The following KIAA1958 variants were observed in gnomAD, a reference collection of about 807,000 sequenced individuals.
The protein encoded by KIAA1958 is KIAA1958, also known as uncharacterized protein KIAA1958.
In KIAA1958, 14 loss-of-function variants were observed where a neutral mutation model predicts 47.2. The observed-to-expected ratio is 0.30, with a 90% CI of 0.20 to 0.46. The LOEUF (loss-of-function observed/expected upper bound fraction) is 0.46. Among genes scored for constraint, KIAA1958 ranks in the 20% least tolerant of loss-of-function variants. The pLI is 1.00. For missense variants in KIAA1958, 803 were observed against 909.2 expected (o/e 0.88, Z 1.50); for synonymous variants, 354 against 353.3 (o/e 1.00, Z -0.02).
At chr9:112,563,176 C>A (rs1169608561) in intron 1 of KIAA1958, among the ~76,000 whole-genome samples, 1 of 151,500 alleles carries the variant, frequency 6.6e-6, no homozygotes, top group Admixed American at 6.6e-5. Flanking sequence ...GTGATCCTCC[C>A]ACCTTGGCCT....
intron 1 of KIAA1958, among the ~76,000 whole-genome samples, chr9:112,532,606 C>T (rs1834769660): frequency 6.6e-6 from 1 of 152,140 alleles, no homozygotes; most frequent in Non-Finnish European, 1.5e-5. Context: ...GTGGGATTAC[C>T]ACAGCACTGG....
chr9:112,496,313 ACAGAG>A (rs1441001512), intron 1 of KIAA1958, among the ~76,000 whole-genome samples: 2 of 152,212 alleles, frequency 1.3e-5, no homozygotes, highest in Admixed American at 1.3e-4. Flanking sequence ...AAGAAGCCAG[ACAGAG>A]CAGAGTTTAT....
chr9:112,525,961 T>TTCC (rs1834635914), intron 1 of KIAA1958, among the ~76,000 whole-genome samples: 1 of 22,086 alleles, frequency 4.5e-5, no homozygotes. Context: ...CTTCTTCTTC[T>TTCC]TCTTCTTCTT....
At chr9:112,579,371 G>T (rs1048496171) in intron 2 of KIAA1958, among the ~76,000 whole-genome samples, 2 of 151,810 alleles carry the variant, frequency 1.3e-5, no homozygotes, top group African/African-American at 2.4e-5. Context: ...ATTCTTTTAT[G>T]GTTTTCTTTC....
intron 1 of KIAA1958, among the ~76,000 whole-genome samples, chr9:112,509,921 C>T (rs980430253): frequency 4.6e-5 from 7 of 152,176 alleles, no homozygotes; most frequent in African/African-American, 1.4e-4. Context: ...CATGAAGACA[C>T]TGGGGAGTCA....
chr9:112,526,801 G>A (rs1360449511), intron 1 of KIAA1958, among the ~76,000 whole-genome samples: 1 of 152,170 alleles, frequency 6.6e-6, no homozygotes, highest in African/African-American at 2.4e-5. Flanking sequence ...TGTTACACTA[G>A]CAATTAAACT....
At chr9:112,620,808 A>G (rs1270755262) in intron 2 of KIAA1958, among the ~76,000 whole-genome samples, 1 of 152,194 alleles carries the variant, frequency 6.6e-6, no homozygotes, top group Non-Finnish European at 1.5e-5. Flanking sequence ...AAGAAAAAAA[A>G]AATAGGAAAA....
chr9:112,614,128 C>A (rs963131121), intron 2 of KIAA1958, among the ~76,000 whole-genome samples: 1 of 152,092 alleles, frequency 6.6e-6, no homozygotes. Context: ...AGTTCACAAA[C>A]CATAATGTTG....
At chr9:112,566,048 C>T (rs958177426) in intron 1 of KIAA1958, among the ~76,000 whole-genome samples, 7 of 152,066 alleles carry the variant, frequency 4.6e-5, no homozygotes, top group Admixed American at 6.5e-5. Flanking sequence ...GGACTACAGG[C>T]GCCCACAACC....
chr9:112,644,847 AAC>A (rs1470151419), intron 2 of KIAA1958, among the ~76,000 whole-genome samples: 1 of 152,140 alleles, frequency 6.6e-6, no homozygotes, highest in Non-Finnish European at 1.5e-5. Flanking sequence ...AAAAAATGCT[AAC>A]ACAGAGCTGG....
chr9:112,594,664 A>G (rs555348940), intron 2 of KIAA1958, among the ~76,000 whole-genome samples: 3 of 152,234 alleles, frequency 2.0e-5, no homozygotes, highest in Admixed American at 6.5e-5. Context: ...CATTTTGGCT[A>G]TTATGAATAA....
intron 2 of KIAA1958, among the ~76,000 whole-genome samples, chr9:112,590,878 T>C (rs117343112): frequency 0.01 from 1,531 of 152,318 alleles, 15 homozygotes; most frequent in South Asian, 0.037. Flanking sequence ...TAATGCAGAT[T>C]ACCATTAATT....
rs10981459 is a variant in KIAA1958 at position 112,628,169 on chromosome 9, T to C, written c.1172-17481T>C. Among the ~76,000 whole-genome samples the C allele has an allele frequency of 5.2e-3, 784 of 152,200 alleles. 43 individuals carry two copies. The East Asian group carries it at 0.13, about 25-fold the overall frequency. ...CCAGATCTCCACACTTGATGCAGGG[T>C]TTCCTTCTGTCAGTTCAATGGGCTT... On this transcript the variant is annotated intron_variant, in intron 2 of 3. Coordinates refer to ENST00000337530, the MANE Select transcript of KIAA1958 (RefSeq NM_133465.4).
rs999719714 is a variant in KIAA1958, at chr9:112,663,570, A to T, written c.*3501A>T. ...CGCCCATGAATTCTACCTCCAACAC[A>T]GCCAAGCTCTGATACCTCAGATATA... On this transcript the variant is annotated 3_prime_UTR_variant, in exon 4 of 4. Transcript: ENST00000337530. The T allele has an allele frequency of 6.6e-6, 1 of 152,230 alleles. No homozygotes were observed. The highest frequency in any genetic ancestry group is 2.4e-5 in the African/African-American group (1 of 41,466). 9.4% of individuals were successfully genotyped at this position (152,230 alleles called of 1,614,324 possible). A position where few individuals can be genotyped will look rare whatever the true frequency, so the allele number is the denominator to read the frequency against.
chr9:112,633,802 C>T (rs921190018), intron 2 of KIAA1958, among the ~76,000 whole-genome samples: 36 of 152,116 alleles, frequency 2.4e-4, no homozygotes, highest in African/African-American at 8.7e-4. Context: ...CTCCAGTAGT[C>T]CACTCCTTGT....
chr9:112,546,819 T>C (rs1303121071), intron 1 of KIAA1958, among the ~76,000 whole-genome samples: 2 of 152,164 alleles, frequency 1.3e-5, no homozygotes, highest in Non-Finnish European at 2.9e-5. Flanking sequence ...CCTTCAAGTA[T>C]GAACTCGTCT....
chr9:112,499,155 T>C (rs1201890836), intron 1 of KIAA1958, among the ~76,000 whole-genome samples: 1 of 152,244 alleles, frequency 6.6e-6, no homozygotes, highest in African/African-American at 2.4e-5. Flanking sequence ...GATGGACATT[T>C]GGTTTGATTA....
intron 2 of KIAA1958, among the ~76,000 whole-genome samples, chr9:112,594,668 T>C (rs998356766): frequency 2.6e-5 from 4 of 152,230 alleles, no homozygotes; most frequent in Non-Finnish European, 4.4e-5. Context: ...TTGGCTATTA[T>C]GAATAATGCT....
At chr9:112,488,090 A>T (rs144069056) in intron 1 of KIAA1958, among the ~76,000 whole-genome samples, 3 of 152,062 alleles carry the variant, frequency 2.0e-5, no homozygotes, top group Non-Finnish European at 4.4e-5. Context: ...GACAGCTTCC[A>T]TGGTGGAGGT....
Sources: gnomAD v4.1 joint callset for allele counts (sites outside exome capture counted in the v4.1 genomes callset) on GRCh38, gnomAD v4.1.1 for gene constraint, MANE v1.5 for transcripts, NCBI Gene and HGNC (gene_info 2026-07-23, HGNC 2026-07-21) for gene names.